SPAG16: variants seen among roughly 807,000 people sequenced by gnomAD.
SPAG16 encodes the protein sperm-associated antigen 16 protein.
SPAG16 carries 86 observed loss-of-function variants against 80.4 expected under a neutral mutation model. The ratio of observed to expected loss-of-function variants is 1.07; its 90% CI spans 0.90 to 1.28. The LOEUF is 1.28. SPAG16 is among the 50% of genes most tolerant of loss of function. The pLI, the probability that SPAG16 is intolerant of heterozygous loss-of-function variation, is 0.00. For missense variants in SPAG16, 870 were observed against 765.3 expected (o/e 1.14, Z -1.61); for synonymous variants, 294 against 265.9 (o/e 1.11, Z -1.03).
intron 10 of SPAG16, among the ~76,000 whole-genome samples, chr2:213,763,193 G>T (rs1268691677): frequency 6.6e-6 from 1 of 151,412 alleles, no homozygotes; most frequent in Non-Finnish European, 1.5e-5. Flanking sequence ...ATGTAAAATA[G>T]TGTAGCCTCA....
intron 12 of SPAG16, among the ~76,000 whole-genome samples, chr2:213,942,575 T>C (rs1291763516): frequency 6.6e-6 from 1 of 152,202 alleles, no homozygotes; most frequent in Non-Finnish European, 1.5e-5. Context: ...TCTGGAATAG[T>C]CATTCACGTG....
At chr2:213,297,897 A>C (rs2126075689) in intron 3 of SPAG16, among the ~76,000 whole-genome samples, 1 of 152,304 alleles carries the variant, frequency 6.6e-6, no homozygotes, top group Non-Finnish European at 1.5e-5. Context: ...TGAACCATTT[A>C]ATATGATGGC....
intron 15 of SPAG16, among the ~76,000 whole-genome samples, chr2:214,253,664 T>C (rs1016067860): frequency 6.6e-6 from 1 of 152,164 alleles, no homozygotes; most frequent in Non-Finnish European, 1.5e-5. Flanking sequence ...TTGATCTATA[T>C]ATCTGTTTTG....
chr2:214,234,512 A>G (rs1688942816), intron 15 of SPAG16, among the ~76,000 whole-genome samples: 1 of 152,182 alleles, frequency 6.6e-6, no homozygotes, highest in Non-Finnish European at 1.5e-5. Context: ...CTAACAGCAT[A>G]AAAGAATCCC....
At chr2:213,521,970 C>T (rs2075691862) in intron 10 of SPAG16, among the ~76,000 whole-genome samples, 1 of 152,140 alleles carries the variant, frequency 6.6e-6, no homozygotes, top group Admixed American at 6.5e-5. Flanking sequence ...AACCAATATT[C>T]ATGATGGATG....
chr2:214,390,034 G>A (rs1248979735), intron 15 of SPAG16, among the ~76,000 whole-genome samples: 3 of 152,196 alleles, frequency 2.0e-5, no homozygotes, highest in African/African-American at 7.2e-5. Flanking sequence ...GACACTATGT[G>A]TAGGATACCT....
intron 10 of SPAG16, among the ~76,000 whole-genome samples, chr2:213,493,603 T>A (rs2074357335): frequency 1.3e-5 from 2 of 152,052 alleles, no homozygotes; most frequent in Admixed American, 1.3e-4. Context: ...TGAGATGGAG[T>A]CTCGCTCTCT....
chr2:213,851,408 C>G (rs998583663), intron 10 of SPAG16, among the ~76,000 whole-genome samples: 1 of 151,974 alleles, frequency 6.6e-6, no homozygotes, highest in African/African-American at 2.4e-5. Context: ...CTTGAGAGTC[C>G]GAGGCAGGAG....
intron 15 of SPAG16, among the ~76,000 whole-genome samples, chr2:214,237,116 A>G (rs1404602665): frequency 6.6e-6 from 1 of 152,142 alleles, no homozygotes; most frequent in Non-Finnish European, 1.5e-5. Context: ...CAGGGACAGC[A>G]ATCACATAGC....
chr2:213,849,542 A>C (rs922357726), intron 10 of SPAG16, among the ~76,000 whole-genome samples: 10 of 152,226 alleles, frequency 6.6e-5, no homozygotes, highest in African/African-American at 2.4e-4. Context: ...TTTATATGTC[A>C]TTACAATAAT....
chr2:213,309,746 G>A (rs1048930787), intron 3 of SPAG16, among the ~76,000 whole-genome samples: 7 of 151,882 alleles, frequency 4.6e-5, no homozygotes, highest in African/African-American at 1.7e-4. Context: ...TCCTACACTT[G>A]GTTCTATCTT....
chr2:214,186,956 G>T (rs1366959890), intron 15 of SPAG16, among the ~76,000 whole-genome samples: 1 of 152,008 alleles, frequency 6.6e-6, no homozygotes, highest in East Asian at 1.9e-4. Flanking sequence ...TAGAGACAGG[G>T]TTTTGCCATT....
chr2:213,833,737 C>T (rs537936450), intron 10 of SPAG16, among the ~76,000 whole-genome samples: 1 of 143,092 alleles, frequency 7.0e-6, no homozygotes. Context: ...TCTTTTTTTT[C>T]CAACTTAAAT....
intron 15 of SPAG16, among the ~76,000 whole-genome samples, chr2:214,273,319 G>T (rs966202924): frequency 1.3e-5 from 2 of 152,156 alleles, no homozygotes; most frequent in African/African-American, 4.8e-5. Flanking sequence ...GTCTATTTTG[G>T]CTTTTGTTGC....
intron 13 of SPAG16, among the ~76,000 whole-genome samples, chr2:214,104,156 G>T (rs923334620): frequency 1.3e-5 from 2 of 152,022 alleles, no homozygotes; most frequent in Non-Finnish European, 2.9e-5. Flanking sequence ...TTTAACTCAG[G>T]TGCCAGAACT....
chr2:214,280,786 TAGCAGCATG>T, intron 15 of SPAG16: 1 of 458,208 alleles, frequency 2.2e-6, no homozygotes, highest in Non-Finnish European at 4.2e-6. Flanking sequence ...TTCTCTCATA[TAGCAGCATG>T]AGCTTTCTTA....
intron 15 of SPAG16, chr2:214,239,645 C>A (rs925707493): frequency 4.6e-5 from 7 of 152,032 alleles, no homozygotes; most frequent in Non-Finnish European, 1.0e-4. Context: ...GCCTACCATG[C>A]CAAACATTAC....
intron 10 of SPAG16, among the ~76,000 whole-genome samples, chr2:213,513,013 C>T (rs192252322): frequency 1.3e-5 from 2 of 152,188 alleles, no homozygotes; most frequent in East Asian, 3.9e-4. Context: ...TGTGGAGATT[C>T]ATTAATGGAG....
intron 10 of SPAG16, among the ~76,000 whole-genome samples, chr2:213,741,667 T>C (rs2067561143): frequency 6.6e-6 from 1 of 152,154 alleles, no homozygotes; most frequent in East Asian, 1.9e-4. Context: ...CCATTTTTAT[T>C]GCAGTGTAAA....
Sources: gnomAD v4.1 joint callset for allele counts (sites outside exome capture counted in the v4.1 genomes callset) on GRCh38, gnomAD v4.1.1 for gene constraint, MANE v1.5 for transcripts, NCBI Gene and HGNC (gene_info 2026-07-23, HGNC 2026-07-21) for gene names.